The following PRKCI variants were observed in gnomAD, a reference collection of about 807,000 sequenced individuals.
The protein encoded by PRKCI is protein kinase C iota.
In PRKCI, 43 loss-of-function variants were observed where a neutral mutation model predicts 84.0. The ratio of observed to expected loss-of-function variants is 0.51; its 90% confidence interval spans 0.40 to 0.66. PRKCI has a LOEUF of 0.66. PRKCI is among the 30% of genes least tolerant of loss of function. The pLI, the probability that PRKCI is intolerant of heterozygous loss-of-function variation, is 0.00. For missense variants in PRKCI, 459 were observed against 745.6 expected, an observed-to-expected ratio of 0.62 and a Z score of 4.48; for synonymous variants, 216 against 234.4, an observed-to-expected ratio of 0.92 and a Z score of 0.72.
At chr3:170,275,889 A>G (rs1253342948) in intron 8 of PRKCI, among the ~76,000 whole-genome samples, 2 of 150,090 alleles carry the variant, frequency 1.3e-5, no homozygotes, top group African/African-American at 2.4e-5. Flanking sequence ...ATTTCTGGAC[A>G]TGAAAGATTT....
intron 2 of PRKCI, among the ~76,000 whole-genome samples, chr3:170,245,972 T>G (rs1355247600): frequency 5.7e-5 from 6 of 105,376 alleles, no homozygotes; most frequent in Non-Finnish European, 1.2e-4. Flanking sequence ...TTTTTTTTTC[T>G]GACACAAATC....
chr3:170,238,587 T>A (rs1733041403), intron 2 of PRKCI, among the ~76,000 whole-genome samples: 1 of 150,874 alleles, frequency 6.6e-6, no homozygotes, highest in Non-Finnish European at 1.5e-5. Flanking sequence ...TAATGAACAT[T>A]TCTTTTCTTT....
intron 5 of PRKCI, among the ~76,000 whole-genome samples, chr3:170,269,205 A>G (rs981353685): frequency 1.3e-5 from 2 of 152,106 alleles, no homozygotes; most frequent in Non-Finnish European, 2.9e-5. Context: ...TTGAGCCACC[A>G]TGCCTGGCCA....
At chr3:170,272,310 G>A (rs1458803140) in intron 6 of PRKCI, among the ~76,000 whole-genome samples, 1 of 152,194 alleles carries the variant, frequency 6.6e-6, no homozygotes, top group Non-Finnish European at 1.5e-5. Context: ...ATACCTGGAT[G>A]CATCTTTCTA....
intron 1 of PRKCI, among the ~76,000 whole-genome samples, chr3:170,227,492 G>A (rs139719963): frequency 0.019 from 2,946 of 152,272 alleles, 104 homozygotes; most frequent in African/African-American, 0.067. Context: ...GGTGATGGAA[G>A]CCTTCCTAGA....
chr3:170,304,520 A>C lies in PRKCI; in HGVS notation c.*1393A>C, dbSNP rs2108870625. On this transcript the variant is annotated 3_prime_UTR_variant, in exon 18 of 18. Transcript: ENST00000295797. Reference sequence around the variant, plus strand: ...CTATATGATTGGACCCTTTAGTGAAATCAGAAAAATAAAGTAGGCATGAAT... The same window carrying C: ...CTATATGATTGGACCCTTTAGTGAACTCAGAAAAATAAAGTAGGCATGAAT... 1 of 152,316 alleles carries C rather than the reference A, an allele frequency of 6.6e-6. No homozygotes were observed. The highest frequency in any genetic ancestry group is 2.4e-5 in the African/African-American group (1 of 41,566). The allele number at this position is 152,316 out of a possible 1,614,324, so 9.4% of individuals were successfully genotyped here. A position where few individuals can be genotyped will look rare whatever the true frequency, so the allele number is the denominator to read the frequency against.
intron 11 of PRKCI, among the ~76,000 whole-genome samples, chr3:170,283,066 C>T (rs1009469791): frequency 6.7e-6 from 1 of 150,200 alleles, no homozygotes; most frequent in Non-Finnish European, 1.5e-5. Context: ...GATTGCGCCA[C>T]TGCACTCCAG....
intron 15 of PRKCI, among the ~76,000 whole-genome samples, 154 bp downstream of exon 15, chr3:170,296,144 T>G (rs1347131280): frequency 6.6e-6 from 1 of 152,224 alleles, no homozygotes; most frequent in African/African-American, 2.4e-5. Context: ...AAAGAGTAAT[T>G]GACAGCATTA....
intron 17 of PRKCI, among the ~76,000 whole-genome samples, chr3:170,301,110 A>G (rs1410761054): frequency 6.6e-6 from 1 of 152,212 alleles, no homozygotes; most frequent in Non-Finnish European, 1.5e-5. Flanking sequence ...ATTCAAAGAC[A>G]ATCAAGACAG....
chr3:170,231,861 CAATT>C (rs1374145717), intron 1 of PRKCI, among the ~76,000 whole-genome samples: 1 of 151,988 alleles, frequency 6.6e-6, no homozygotes, highest in African/African-American at 2.4e-5. Flanking sequence ...AAATTTCTGT[CAATT>C]AAAGAAAAAA....
chr3:170,280,919 T>G (rs1734227946), intron 9 of PRKCI, among the ~76,000 whole-genome samples: 1 of 152,162 alleles, frequency 6.6e-6, no homozygotes, highest in Admixed American at 6.5e-5. Context: ...AAAACAAAAA[T>G]CAAACCACAT....
intron 1 of PRKCI, among the ~76,000 whole-genome samples, chr3:170,226,864 G>A (rs1732638797): frequency 6.6e-6 from 1 of 152,088 alleles, no homozygotes; most frequent in Non-Finnish European, 1.5e-5. Context: ...TCCATAGCTT[G>A]GCCAAAGAGA....
chr3:170,250,092 G>C (rs1733400123), intron 2 of PRKCI, among the ~76,000 whole-genome samples: 1 of 151,034 alleles, frequency 6.6e-6, no homozygotes, highest in Non-Finnish European at 1.5e-5. Context: ...CCTGGCCTCT[G>C]TCGCTATTAA....
At chr3:170,273,932 G>A (rs1283018103) in intron 7 of PRKCI, among the ~76,000 whole-genome samples, 1 of 151,010 alleles carries the variant, frequency 6.6e-6, no homozygotes, top group African/African-American at 2.4e-5. Context: ...AGGAGTTCAA[G>A]ACCAGCCTGG....
chr3:170,255,032 A>G (rs1327593210), intron 2 of PRKCI, among the ~76,000 whole-genome samples: 4 of 109,538 alleles, frequency 3.7e-5, no homozygotes, highest in Admixed American at 8.9e-5. Flanking sequence ...TATGATTTTC[A>G]TTGTAAAGAA....
chr3:170,225,616 C>T (rs1344095319), intron 1 of PRKCI, among the ~76,000 whole-genome samples: 2 of 151,178 alleles, frequency 1.3e-5, no homozygotes, highest in African/African-American at 2.4e-5. Flanking sequence ...CCGTGTTGCC[C>T]AGGCTAATCC....
chr3:170,237,010 A>G (rs959494450), intron 2 of PRKCI, among the ~76,000 whole-genome samples: 2 of 152,236 alleles, frequency 1.3e-5, no homozygotes, highest in South Asian at 2.1e-4. Flanking sequence ...ACATAAACGC[A>G]TAGGGGCCTT....
intron 3 of PRKCI, among the ~76,000 whole-genome samples, chr3:170,262,199 A>C (rs996199677): frequency 6.6e-6 from 1 of 152,192 alleles, no homozygotes; most frequent in African/African-American, 2.4e-5. Context: ...TAAAGTTTCT[A>C]ATGTAAATTT....
Position 170,275,367 on chromosome 3 carries a change from C to T in PRKCI, c.705+80C>T, listed in dbSNP as rs75456653. On this transcript the variant is annotated intron_variant, in intron 8 of 17. Coordinates refer to ENST00000295797, the MANE Select transcript of PRKCI (RefSeq NM_002740.6). ...GGAGTTTAAAAGTATGACATATTGA[C>T]CTGCTTAGACTTTAGATCATAATGG... is the stretch of plus-strand genomic sequence containing the variant. 6.5e-3 allele frequency: 8,563 copies of T among 1,319,208 alleles called. 438 individuals are homozygous for T. The African/African-American group carries it at 0.12, about 18-fold the overall frequency. 81.7% of individuals were successfully genotyped at this position (1,319,208 alleles called of 1,614,324 possible).
Sources: gnomAD v4.1 joint callset for allele counts (sites outside exome capture counted in the v4.1 genomes callset) on GRCh38, gnomAD v4.1.1 for gene constraint, MANE v1.5 for transcripts, NCBI Gene and HGNC (gene_info 2026-07-23, HGNC 2026-07-21) for gene names.